Variants in TRAPPC8 observed in about 807,000 individuals in gnomAD.
TRAPPC8 encodes the protein trafficking protein particle complex subunit 8, also known as general sporulation gene 1 homolog.
TRAPPC8 carries 54 observed loss-of-function variants against 174.3 expected under a neutral mutation model. That is an observed-to-expected ratio of 0.31 (90% CI 0.25 to 0.39). TRAPPC8 has a LOEUF of 0.39. Among genes scored for constraint, TRAPPC8 ranks in the 10% least tolerant of loss-of-function variants. The probability of loss-of-function intolerance (pLI) is 1.00; values close to 1 mark genes in which losing one functional copy is unlikely to be tolerated. For missense variants in TRAPPC8, 1,531 were observed against 1,699.1 expected (o/e 0.90, Z 1.74); for synonymous variants, 630 against 579.9 (o/e 1.09, Z -1.24).
chr18:31,834,987 T>A (rs1016588224), intron 27 of TRAPPC8, among the ~76,000 whole-genome samples: 1 of 152,198 alleles, frequency 6.6e-6, no homozygotes, highest in African/African-American at 2.4e-5. Context: ...TCTTCCAACA[T>A]CTTCCATACC....
At position 31,832,161 on chromosome 18, in the gene TRAPPC8, T is replaced by C; in HGVS notation, c.3996A>G (p.Val1332=). ...HPFHQKSLCL[V]PVTLLLSNCS... ...AATTGGAAAGTAAAAGAGTGACTGGTACTAAACAAAGGCTATGGAAGAAAA... is the reference window on the plus strand; with the variant it reads ...AATTGGAAAGTAAAAGAGTGACTGGCACTAAACAAAGGCTATGGAAGAAAA... The change falls in exon 28 of 29, where the codon GTA becomes GTG. Residue 1332 remains valine (V), a synonymous_variant. Coordinates refer to ENST00000283351, the MANE Select transcript of TRAPPC8 (RefSeq NM_014939.5). 1 of 1,519,184 alleles carries C rather than the reference T, an allele frequency of 6.6e-7. No homozygotes were observed. The highest frequency in any genetic ancestry group is 1.4e-5 in the South Asian group (1 of 73,606). The allele number at this position is 1,519,184 out of a possible 1,614,324, so 94.1% of individuals were successfully genotyped here. A position where few individuals can be genotyped will look rare whatever the true frequency, so the allele number is the denominator to read the frequency against.
chr18:31,932,328 G>A (rs1451724361), intron 1 of TRAPPC8, among the ~76,000 whole-genome samples: 8 of 151,960 alleles, frequency 5.3e-5, no homozygotes, highest in African/African-American at 1.9e-4. Context: ...TCAGGAGGCT[G>A]AGGCAGGAGA....
intron 16 of TRAPPC8, among the ~76,000 whole-genome samples, chr18:31,868,857 C>T (rs1040283314): frequency 3.9e-5 from 6 of 151,936 alleles, no homozygotes; most frequent in Admixed American, 1.3e-4. Flanking sequence ...TGTGTACCAC[C>T]ACATCTGGCT....
chr18:31,832,246 T>A (rs2032417043), intron 27 of TRAPPC8, 73 bp from the exon 28 acceptor site: 2 of 817,898 alleles, frequency 2.4e-6, no homozygotes, highest in South Asian at 5.5e-5. Flanking sequence ...AAAATAACAC[T>A]TAAGACTATG....
chr18:31,852,319 A>G, intron 24 of TRAPPC8, 127 bp downstream of exon 24: 1 of 1,002,098 alleles, frequency 1.0e-6, no homozygotes, highest in East Asian at 2.6e-5. Context: ...CCTGGGAGAC[A>G]GAGCAAGACC....
At chr18:31,913,876 CA>C in intron 4 of TRAPPC8, among the ~76,000 whole-genome samples, 1 of 151,986 alleles carries the variant, frequency 6.6e-6, no homozygotes. Flanking sequence ...CTACAGGAAA[CA>C]AAACAAGTGT....
chr18:31,915,468 A>AG (rs2037092216), intron 4 of TRAPPC8, among the ~76,000 whole-genome samples: 1 of 116,920 alleles, frequency 8.6e-6, no homozygotes, highest in Non-Finnish European at 1.8e-5. Context: ...ATCAAAAAAA[A>AG]AGGGGGGGGG....
chr18:31,871,521 C>T (rs965097915), intron 14 of TRAPPC8, among the ~76,000 whole-genome samples: 4 of 151,978 alleles, frequency 2.6e-5, no homozygotes, highest in African/African-American at 9.7e-5. Flanking sequence ...CCTCTCTGCA[C>T]CACCCCCAAT....
chr18:31,847,712 G>A (rs1299476744), intron 25 of TRAPPC8, among the ~76,000 whole-genome samples: 5 of 152,008 alleles, frequency 3.3e-5, no homozygotes, highest in African/African-American at 1.2e-4. Context: ...CACCTGATAG[G>A]GTAATGTTTA....
At chr18:31,890,617 T>A in intron 12 of TRAPPC8, 118 bp downstream of exon 12, 1 of 1,167,910 alleles carries the variant, frequency 8.6e-7, no homozygotes, top group South Asian at 1.5e-5. Flanking sequence ...CCCTTACCAA[T>A]ACATTACCTC....
intron 2 of TRAPPC8, among the ~76,000 whole-genome samples, chr18:31,927,315 T>G (rs1365422430): frequency 6.6e-6 from 1 of 151,888 alleles, no homozygotes; most frequent in African/African-American, 2.4e-5. Flanking sequence ...CAGGCTGGAG[T>G]GCAGTGGCGT....
chr18:31,847,018 A>G (rs1243817981), intron 25 of TRAPPC8, among the ~76,000 whole-genome samples: 1 of 152,232 alleles, frequency 6.6e-6, no homozygotes, highest in Non-Finnish European at 1.5e-5. Flanking sequence ...TTTCACCTCA[A>G]TATAACACAG....
Position 31,943,031 on chromosome 18 carries a change from C to T in TRAPPC8, c.-267G>A. The stretch of plus-strand genomic sequence containing the variant: ...CCACCCCGATAGGTGGAGACGCCGA[C>T]AGTCACCACTTAGTCCTTCGGACGG... On this transcript the variant is annotated 5_prime_UTR_variant, in exon 1 of 29. Coordinates refer to ENST00000283351, the MANE Select transcript of TRAPPC8 (RefSeq NM_014939.5). The T allele has an allele frequency of 3.5e-6, 2 of 571,068 alleles. No homozygotes were observed. The highest frequency in any genetic ancestry group is 5.1e-4 in the Middle Eastern group (1 of 1,950). The allele number at this position is 571,068 out of a possible 1,614,324, so 35.4% of individuals were successfully genotyped here. A position where few individuals can be genotyped will look rare whatever the true frequency, so the allele number is the denominator to read the frequency against.
intron 21 of TRAPPC8, among the ~76,000 whole-genome samples, chr18:31,854,963 C>T (rs2033919032): frequency 1.7e-5 from 1 of 57,366 alleles, no homozygotes; most frequent in South Asian, 5.2e-4. Flanking sequence ...AAGACTCCAT[C>T]TCAAAAAAAA....
Position 31,852,504 on chromosome 18 carries a change from G to A in TRAPPC8, c.3503C>T (p.Ala1168Val), listed in dbSNP as rs1021685449. ...FKAIRCEKEE[A>V]ATQSSEKYTF... is the part of the protein sequence containing the mutation. ...ATATTTTTCAGAGGACTGTGTGGCC[G>A]CTAAAAAACAGGGGAAAACAAACTA... The change falls in exon 24 of 29, where the codon GCG becomes GTG. Residue 1168 changes from alanine (A) to valine (V), a missense_variant and splice_region_variant. Ala to Val is a moderately conservative substitution (Grantham distance 64, BLOSUM62 0). Transcript: ENST00000283351. 8.1e-6 allele frequency: 13 copies of A among 1,613,914 alleles called. No individual in the cohort carries two copies. Among genetic ancestry groups the A allele is most frequent in the African/African-American group, 2.7e-5 (2 of 74,890 alleles).
chr18:31,836,905 G>T (rs1157158487), intron 27 of TRAPPC8, among the ~76,000 whole-genome samples: 1 of 151,876 alleles, frequency 6.6e-6, no homozygotes, highest in Non-Finnish European at 1.5e-5. Flanking sequence ...GGGACTACAG[G>T]TGCCCGCCAC....
rs371928034 is a variant in TRAPPC8, at chr18:31,908,451, A to G, written c.1123-33T>C. The G allele has an allele frequency of 3.6e-6, 5 of 1,392,206 alleles. No homozygotes were observed. The African/African-American group carries it at 5.9e-5, about 16-fold the overall frequency. The allele number at this position is 1,392,206 out of a possible 1,614,324, so 86.2% of individuals were successfully genotyped here. A position where few individuals can be genotyped will look rare whatever the true frequency, so the allele number is the denominator to read the frequency against. On this transcript the variant is annotated intron_variant, in intron 7 of 28. Transcript: ENST00000283351. ...AAAGAGATTAAATATGTTGACAAACAAAGAATTTAGTATTTTTCCTTTACA... is the reference window on the plus strand; with the variant it reads ...AAAGAGATTAAATATGTTGACAAACGAAGAATTTAGTATTTTTCCTTTACA...
chr18:31,849,757 C>A lies in TRAPPC8; in HGVS notation c.3562-18G>T. The A allele has an allele frequency of 6.4e-7, 1 of 1,564,106 alleles. No homozygotes were observed. Among genetic ancestry groups the A allele is most frequent in the Non-Finnish European group, 8.6e-7 (1 of 1,157,642 alleles). ...CTTATTATCTGTTAAAAGAAAATCA[C>A]TTGTGTTCATAAATGCTTTTAATTA... On this transcript the variant is annotated intron_variant, in intron 24 of 28. Transcript: ENST00000283351.
chr18:31,855,360 G>A (rs1445752256), intron 21 of TRAPPC8, among the ~76,000 whole-genome samples: 2 of 152,100 alleles, frequency 1.3e-5, no homozygotes, highest in South Asian at 2.1e-4. Flanking sequence ...AACACCAATG[G>A]ATCTCAATGG....
Sources: gnomAD v4.1 joint callset for allele counts (sites outside exome capture counted in the v4.1 genomes callset) on GRCh38, gnomAD v4.1.1 for gene constraint, MANE v1.5 for transcripts, NCBI Gene and HGNC (gene_info 2026-07-23, HGNC 2026-07-21) for gene names.